CSMD1: variants seen among roughly 807,000 people sequenced by gnomAD.
The protein encoded by CSMD1 is CUB and Sushi multiple domains 1.
CSMD1 carries 213 observed loss-of-function variants against 417.5 expected under a neutral mutation model. The ratio of observed to expected loss-of-function variants is 0.51; its 90% CI spans 0.46 to 0.57. The LOEUF is 0.57. Among genes scored for constraint, CSMD1 ranks in the 20% least tolerant of loss-of-function variants. The probability of loss-of-function intolerance (pLI) is 0.00; values close to 1 mark genes in which losing one functional copy is unlikely to be tolerated. For synonymous variants in CSMD1, 2,862 were observed against 1,736.8 expected, an observed-to-expected ratio of 1.65 and a Z score of -16.11; for missense variants, 6,923 against 4,529.7, an observed-to-expected ratio of 1.53 and a Z score of -15.17.
intron 7 of CSMD1, among the ~76,000 whole-genome samples, chr8:3,682,439 A>C (rs1257944809): frequency 6.6e-6 from 1 of 152,210 alleles, no homozygotes. Flanking sequence ...ACACATGAAA[A>C]AATGCTCATC....
At chr8:3,473,687 G>C (rs1244761779) in intron 11 of CSMD1, among the ~76,000 whole-genome samples, 1 of 152,142 alleles carries the variant, frequency 6.6e-6, no homozygotes, top group Non-Finnish European at 1.5e-5. Context: ...TCATTTTGTT[G>C]AATGTCATTT....
intron 3 of CSMD1, among the ~76,000 whole-genome samples, chr8:4,086,911 G>T (rs1378349951): frequency 1.3e-5 from 2 of 152,306 alleles, no homozygotes; most frequent in South Asian, 4.1e-4. Flanking sequence ...TCAGGCAAGG[G>T]TTGAAGCTTG....
chr8:4,498,611 T>G (rs1001042154), intron 2 of CSMD1, among the ~76,000 whole-genome samples: 4 of 152,166 alleles, frequency 2.6e-5, no homozygotes, highest in Admixed American at 2.0e-4. Flanking sequence ...TTCAAAATAG[T>G]GTTGTCAAGG....
chr8:4,476,160 A>G (rs955785122), intron 2 of CSMD1, among the ~76,000 whole-genome samples: 1 of 152,096 alleles, frequency 6.6e-6, no homozygotes, highest in Non-Finnish European at 1.5e-5. Context: ...TAATCTTCCA[A>G]TTAAAATATA....
intron 3 of CSMD1, among the ~76,000 whole-genome samples, chr8:4,200,346 C>T (rs918964401): frequency 4.0e-5 from 6 of 151,868 alleles, no homozygotes; most frequent in Non-Finnish European, 7.4e-5. Flanking sequence ...TTAGAGTCTG[C>T]TTAGCAAAGC....
chr8:3,761,800 C>G (rs746622188), intron 5 of CSMD1, among the ~76,000 whole-genome samples: 1 of 152,098 alleles, frequency 6.6e-6, no homozygotes, highest in Non-Finnish European at 1.5e-5. Flanking sequence ...GCAACAATGC[C>G]CAGCCAAAAT....
intron 3 of CSMD1, among the ~76,000 whole-genome samples, chr8:4,059,620 G>A (rs1484760177): frequency 1.1e-4 from 17 of 151,932 alleles, no homozygotes; most frequent in South Asian, 4.2e-4. Flanking sequence ...TATCACCACC[G>A]ATCCCACAGA....
chr8:3,144,681 G>T (rs1818727586), intron 40 of CSMD1, among the ~76,000 whole-genome samples: 1 of 151,742 alleles, frequency 6.6e-6, no homozygotes, highest in Non-Finnish European at 1.5e-5. Flanking sequence ...ACTGCTGTTT[G>T]TTGAACAACC....
chr8:3,942,885 T>A (rs1049009906), intron 5 of CSMD1, among the ~76,000 whole-genome samples: 2 of 152,162 alleles, frequency 1.3e-5, no homozygotes, highest in African/African-American at 4.8e-5. Context: ...TAAAATCAAA[T>A]GAATACATCA....
rs182236305 is a variant in CSMD1, at chr8:3,515,470, T to C, written c.1345-21744A>G. On this transcript the variant is annotated intron_variant, in intron 10 of 69. Transcript: ENST00000635120. Reference sequence around the variant, plus strand: ...ATTTGCAAGAGAGGAATACACACAATTATTTCCTTGTTTGTTCACAAGTAC... The same window carrying C: ...ATTTGCAAGAGAGGAATACACACAACTATTTCCTTGTTTGTTCACAAGTAC... 3.3e-5 allele frequency: 5 copies of C among 151,534 alleles called. No homozygotes were observed. The East Asian group carries it at 5.8e-4, about 18-fold the overall frequency. 9.4% of individuals were successfully genotyped at this position (151,534 alleles called of 1,614,324 possible). A position where few individuals can be genotyped will look rare whatever the true frequency, so the allele number is the denominator to read the frequency against.
chr8:4,142,336 C>G (rs1803840518), intron 3 of CSMD1, among the ~76,000 whole-genome samples: 1 of 151,132 alleles, frequency 6.6e-6, no homozygotes, highest in African/African-American at 2.5e-5. Flanking sequence ...TTAGCCTACT[C>G]TACGAGGTTA....
chr8:4,367,995 G>A (rs1049409992), intron 3 of CSMD1, among the ~76,000 whole-genome samples: 1 of 151,962 alleles, frequency 6.6e-6, no homozygotes, highest in Middle Eastern at 3.2e-3. Context: ...CATTGTCAGT[G>A]AAGTGAGACA....
intron 5 of CSMD1, among the ~76,000 whole-genome samples, chr8:3,965,216 G>A (rs1189901261): frequency 6.6e-6 from 1 of 152,150 alleles, no homozygotes; most frequent in East Asian, 1.9e-4. Context: ...AGGAGGGGCT[G>A]AACTTGAACA....
intron 8 of CSMD1, among the ~76,000 whole-genome samples, chr8:3,601,015 A>T (rs1359257011): frequency 6.6e-6 from 1 of 152,200 alleles, no homozygotes; most frequent in Non-Finnish European, 1.5e-5. Flanking sequence ...ATGTGCAAGA[A>T]TCAGCTATGA....
chr8:3,692,093 G>A (rs1585083792), intron 7 of CSMD1, among the ~76,000 whole-genome samples: 1 of 152,142 alleles, frequency 6.6e-6, no homozygotes, highest in Admixed American at 6.5e-5. Context: ...ATCATCCTCT[G>A]ACTCATCTGG....
chr8:3,922,307 G>A (rs1338106097), intron 5 of CSMD1, among the ~76,000 whole-genome samples: 1 of 151,490 alleles, frequency 6.6e-6, no homozygotes, highest in Admixed American at 6.6e-5. Flanking sequence ...GCATATAGTT[G>A]GATCTTATTT....
intron 3 of CSMD1, among the ~76,000 whole-genome samples, chr8:4,188,356 C>A (rs1268549628): frequency 2.0e-5 from 3 of 152,144 alleles, no homozygotes; most frequent in African/African-American, 4.8e-5. Context: ...AACCGAGGTG[C>A]CTTCATTCAT....
intron 3 of CSMD1, among the ~76,000 whole-genome samples, chr8:4,136,874 C>G (rs188331267): frequency 1.7e-4 from 26 of 152,256 alleles, no homozygotes; most frequent in Admixed American, 1.5e-3. Context: ...TTACGAATTT[C>G]AGAGAACAGA....
intron 2 of CSMD1, among the ~76,000 whole-genome samples, chr8:4,563,304 A>G (rs1033355975): frequency 5.9e-5 from 9 of 152,152 alleles, no homozygotes; most frequent in South Asian, 4.1e-4. Flanking sequence ...GGGAGGCTGA[A>G]GCAGGAGAAT....
Sources: allele counts gnomAD v4.1 joint callset (sites outside exome capture counted in the v4.1 genomes callset), GRCh38; gene constraint gnomAD v4.1.1; transcripts MANE v1.5; gene names NCBI Gene and HGNC (gene_info 2026-07-23, HGNC 2026-07-21).